The following ZNF667 variants were observed in gnomAD, a reference collection of about 807,000 sequenced individuals.
ZNF667 encodes myocardial ischemic preconditioning upregulated 1 ortholog.
Under a neutral mutation model 31.8 loss-of-function variants are expected in ZNF667, and 13 were observed. That is an observed-to-expected ratio of 0.41 (90% CI 0.27 to 0.65). ZNF667 has a LOEUF of 0.65. ZNF667 is among the 30% of genes least tolerant of loss of function. The pLI, the probability that ZNF667 is intolerant of heterozygous loss-of-function variation, is 0.32. For synonymous variants in ZNF667, 228 were observed against 247.1 expected, an observed-to-expected ratio of 0.92 and a Z score of 0.73; for missense variants, 642 against 725.6, an observed-to-expected ratio of 0.88 and a Z score of 1.32.
At chr19:56,468,436 A>C (rs1399060571) in intron 3 of ZNF667, 1 of 152,202 alleles carries the variant, frequency 6.6e-6, no homozygotes, top group African/African-American at 2.4e-5. Flanking sequence ...TTATCTACCT[A>C]TGACCTGAAA....
chr19:56,446,888 C>T (rs1376349323), intron 6 of ZNF667, among the ~76,000 whole-genome samples: 1 of 152,104 alleles, frequency 6.6e-6, no homozygotes, highest in East Asian at 1.9e-4. Context: ...TCTTAGCTTC[C>T]CTTCCTTTTC....
At chr19:56,476,857 GAC>G (rs1318059212) in intron 1 of ZNF667, 1 of 152,936 alleles carries the variant, frequency 6.5e-6, no homozygotes, top group African/African-American at 2.4e-5. Flanking sequence ...GCCTGACACT[GAC>G]ACACGCACAC....
At chr19:56,470,305 T>C (rs962865943) in intron 3 of ZNF667, among the ~76,000 whole-genome samples, 3 of 152,248 alleles carry the variant, frequency 2.0e-5, no homozygotes, top group African/African-American at 2.4e-5. Context: ...ACATGCTCTA[T>C]GCACGTGCTC....
Position 56,472,181 on chromosome 19 carries a change from G to C in ZNF667, c.-542C>G, listed in dbSNP as rs78810667. On this transcript the variant is annotated 5_prime_UTR_variant, in exon 3 of 7. Coordinates refer to ENST00000504904, the MANE Select transcript of ZNF667 (RefSeq NM_001321356.2). ...TAAAATAATTTTCTTCAAGGAACTC[G>C]GCACTACTGGGGAAGAAAGAACAGC... The C allele has an allele frequency of 6.6e-6, 1 of 152,284 alleles. No individual in the cohort carries two copies. The highest frequency in any genetic ancestry group is 2.1e-4 in the South Asian group (1 of 4,826). 9.4% of individuals were successfully genotyped at this position (152,284 alleles called of 1,614,324 possible).
intron 6 of ZNF667, among the ~76,000 whole-genome samples, chr19:56,450,567 T>A (rs2042800930): frequency 6.6e-6 from 1 of 152,070 alleles, no homozygotes; most frequent in African/African-American, 2.4e-5. Context: ...CACAGATAAA[T>A]ACAAAATATT....
chr19:56,466,338 A>G (rs868682476), intron 3 of ZNF667, among the ~76,000 whole-genome samples: 2 of 152,060 alleles, frequency 1.3e-5, no homozygotes, highest in African/African-American at 4.8e-5. Flanking sequence ...GTAAGAGGTA[A>G]CCCCCACTCT....
At chr19:56,459,309 G>A (rs35869148) in intron 5 of ZNF667, among the ~76,000 whole-genome samples, 55,404 of 152,016 alleles carry the variant, frequency 0.36, 10,578 homozygotes, top group Middle Eastern at 0.51. Context: ...TTCTGCTCCA[G>A]ACCCTCACCC....
At chr19:56,460,866 G>A (rs748646750) in intron 4 of ZNF667, 51 bp from the exon 5 acceptor site, 1 of 1,517,702 alleles carries the variant, frequency 6.6e-7, no homozygotes, top group Admixed American at 2.1e-5. Context: ...GCTTCCACAT[G>A]GCTGGAGGAA....
At chr19:56,452,070 C>G (rs548184145) in intron 6 of ZNF667, among the ~76,000 whole-genome samples, 16 of 142,266 alleles carry the variant, frequency 1.1e-4, no homozygotes, top group African/African-American at 3.7e-4. Flanking sequence ...TTTTTTGAGA[C>G]AGAGTTTCGC....
chr19:56,440,800 C>A lies in ZNF667; in HGVS notation c.*362G>T. ...TACAGGTGCGCACCACCACGCCCAGCTAATTTTGTATTTTTTAGTAGAGAC... is the reference window on the plus strand; with the variant it reads ...TACAGGTGCGCACCACCACGCCCAGATAATTTTGTATTTTTTAGTAGAGAC... On this transcript the variant is annotated 3_prime_UTR_variant, in exon 7 of 7. Coordinates refer to ENST00000504904, the MANE Select transcript of ZNF667 (RefSeq NM_001321356.2). 2 of 656,510 alleles carry A rather than the reference C, an allele frequency of 3.0e-6. No homozygotes were observed. The allele number at this position is 656,510 out of a possible 1,614,324, so 40.7% of individuals were successfully genotyped here.
chr19:56,458,513 G>C (rs1404723324), intron 5 of ZNF667, among the ~76,000 whole-genome samples: 1 of 152,196 alleles, frequency 6.6e-6, no homozygotes, highest in Admixed American at 6.5e-5. Flanking sequence ...GACTGTGACT[G>C]GGGGCTCCTG....
At chr19:56,468,897 G>A (rs1405089688) in intron 3 of ZNF667, 1 of 152,218 alleles carries the variant, frequency 6.6e-6, no homozygotes, top group Non-Finnish European at 1.5e-5. Flanking sequence ...AGATGAAGGA[G>A]CACCTGCTGC....
chr19:56,442,147 T>C lies in ZNF667; in HGVS notation c.848A>G (p.Tyr283Cys), dbSNP rs756311436. The part of the protein sequence containing the change: ...KIHNGKKTHK[Y>C]NKCGRGFKKK... ...TTTGAAGCCTCTCCCACATTTATTA[T>C]ATTTATGTGTTTTCTTTCCATTGTG... Residue 283 changes from tyrosine to cysteine, a missense_variant, in exon 7 of 7, where the codon TAT becomes TGT. Tyr to Cys is a radical substitution (Grantham distance 194, BLOSUM62 -2). Transcript: ENST00000504904. 1.2e-6 allele frequency: 2 copies of C among 1,613,208 alleles called. No individual in the cohort carries two copies. The highest frequency in any genetic ancestry group is 2.2e-5 in the East Asian group (1 of 44,866).
intron 3 of ZNF667, among the ~76,000 whole-genome samples, chr19:56,469,496 A>G (rs907458242): frequency 6.6e-6 from 1 of 152,144 alleles, no homozygotes; most frequent in South Asian, 2.1e-4. Context: ...GGGAGTTGTA[A>G]GAATGAAGAA....
chr19:56,444,556 C>T (rs2042686145), intron 6 of ZNF667, among the ~76,000 whole-genome samples: 1 of 146,226 alleles, frequency 6.8e-6, no homozygotes, highest in Non-Finnish European at 1.5e-5. Context: ...AATCACCTCC[C>T]ACCAGACCCC....
upstream of ZNF667, chr19:56,477,838 C>G (rs2043451469): frequency 6.6e-6 from 1 of 152,360 alleles, no homozygotes; most frequent in South Asian, 2.1e-4. Context: ...ACCGCCCACC[C>G]GCGCGTGCGC....
intron 5 of ZNF667, among the ~76,000 whole-genome samples, chr19:56,458,908 C>T (rs749410240): frequency 6.6e-6 from 1 of 152,170 alleles, no homozygotes; most frequent in African/African-American, 2.4e-5. Flanking sequence ...AATGACTGAA[C>T]TTGAGGAGAG....
At position 56,462,445 on chromosome 19, in the gene ZNF667, A is replaced by G; in HGVS notation, c.-59-16T>C. ...TAAGGCAGGGCTGTGGGGAGAAGACAGGTCATGAGGCAGTGCCAGAGTCCA... is the reference window on the plus strand; with the variant it reads ...TAAGGCAGGGCTGTGGGGAGAAGACGGGTCATGAGGCAGTGCCAGAGTCCA... On this transcript the variant is annotated splice_polypyrimidine_tract_variant and intron_variant, in intron 3 of 6. Coordinates refer to ENST00000504904, the MANE Select transcript of ZNF667 (RefSeq NM_001321356.2). 6.3e-7 allele frequency: 1 copy of G among 1,576,770 alleles called. No homozygotes were observed. The highest frequency in any genetic ancestry group is 8.7e-7 in the Non-Finnish European group (1 of 1,145,860).
chr19:56,457,465 T>C (rs1392201022), intron 6 of ZNF667, among the ~76,000 whole-genome samples: 2 of 152,120 alleles, frequency 1.3e-5, no homozygotes, highest in Non-Finnish European at 2.9e-5. Context: ...TGGGTGACCT[T>C]GGGCAAGTCA....
Sources: gnomAD v4.1 joint callset for allele counts (sites outside exome capture counted in the v4.1 genomes callset) on GRCh38, gnomAD v4.1.1 for gene constraint, MANE v1.5 for transcripts, NCBI Gene and HGNC (gene_info 2026-07-23, HGNC 2026-07-21) for gene names.